CSMD1: variants seen among roughly 807,000 people sequenced by gnomAD.
CSMD1 encodes the protein CUB and Sushi multiple domains 1.
A neutral mutation model predicts 417.5 loss-of-function variants in CSMD1; 213 were observed. That is an observed-to-expected ratio of 0.51 (90% CI 0.46 to 0.57). CSMD1 has a LOEUF of 0.57. Ranked by LOEUF, CSMD1 falls within the 20% of genes least tolerant of loss-of-function variation. The pLI is 0.00. For synonymous variants in CSMD1, 2,862 were observed against 1,736.8 expected (o/e 1.65, Z -16.11); for missense variants, 6,923 against 4,529.7 (o/e 1.53, Z -15.17).
chr8:4,745,672 T>C lies in CSMD1; in HGVS notation c.86-108114A>G, dbSNP rs896423111. Reference sequence around the variant, plus strand: ...AAATAAAAGAAAAAGAAAACACAGATTTTAAGCTTTCACAATTCTTAGCTA... The same window carrying C: ...AAATAAAAGAAAAAGAAAACACAGACTTTAAGCTTTCACAATTCTTAGCTA... On this transcript the variant is annotated intron_variant, in intron 1 of 69. Transcript: ENST00000635120. Among the ~76,000 whole-genome samples, 4 of 152,106 alleles carry C rather than the reference T, an allele frequency of 2.6e-5. No homozygotes were observed. In the South Asian group the frequency reaches 8.3e-4, roughly 32 times the overall value.
At chr8:4,234,335 C>T (rs1476482871) in intron 3 of CSMD1, among the ~76,000 whole-genome samples, 1 of 152,104 alleles carries the variant, frequency 6.6e-6, no homozygotes, top group Admixed American at 6.6e-5. Context: ...TAGAAATGGG[C>T]CGAGGCTCCT....
Position 4,993,091 on chromosome 8 carries a change from A to C in CSMD1, c.85+1241T>G, listed in dbSNP as rs552594602. Among the ~76,000 whole-genome samples the C allele has an allele frequency of 7.9e-5, 12 of 152,308 alleles. 1 individual carries two copies. In the East Asian group the frequency reaches 1.2e-3, roughly 15 times the overall value. On this transcript the variant is annotated intron_variant, in intron 1 of 69. Coordinates refer to ENST00000635120, the MANE Select transcript of CSMD1 (RefSeq NM_033225.6). ...GATACAGTCCTCCTTCGCCCTGCCA[A>C]TCACTCTTCCATCTGGACCACTGGA...
At chr8:3,424,371 C>A (rs1376756501) in intron 12 of CSMD1, among the ~76,000 whole-genome samples, 1 of 152,116 alleles carries the variant, frequency 6.6e-6, no homozygotes, top group Non-Finnish European at 1.5e-5. Flanking sequence ...GAATAGTTCG[C>A]ACATTGCCCA....
chr8:4,200,178 A>T (rs530415807), intron 3 of CSMD1, among the ~76,000 whole-genome samples: 1 of 152,316 alleles, frequency 6.6e-6, no homozygotes, highest in African/African-American at 2.4e-5. Flanking sequence ...CTTTTTAACT[A>T]CCTGGACAAA....
chr8:4,582,199 C>A (rs369746262), intron 2 of CSMD1, among the ~76,000 whole-genome samples: 1 of 151,942 alleles, frequency 6.6e-6, no homozygotes, highest in African/African-American at 2.4e-5. Flanking sequence ...TGTCATATAT[C>A]TGACACCCAC....
chr8:4,301,203 A>G (rs562812166), intron 3 of CSMD1, among the ~76,000 whole-genome samples: 7 of 152,162 alleles, frequency 4.6e-5, no homozygotes, highest in Non-Finnish European at 5.9e-5. Context: ...GTGGTCTGCT[A>G]AACTTTTGGC....
chr8:3,185,561 C>T (rs1376846362), intron 36 of CSMD1, among the ~76,000 whole-genome samples: 1 of 152,108 alleles, frequency 6.6e-6, no homozygotes, highest in East Asian at 1.9e-4. Flanking sequence ...GAAAAATTAA[C>T]CTATTTCTAA....
intron 17 of CSMD1, among the ~76,000 whole-genome samples, chr8:3,394,966 T>A: frequency 6.6e-6 from 1 of 152,288 alleles, no homozygotes. Context: ...TATACATGCA[T>A]ATGCACGTTT....
At chr8:4,464,927 A>T (rs964241694) in intron 2 of CSMD1, among the ~76,000 whole-genome samples, 3 of 152,118 alleles carry the variant, frequency 2.0e-5, no homozygotes, top group Admixed American at 6.6e-5. Context: ...GCTGAGCACG[A>T]AGCCATATTC....
At chr8:4,490,333 T>A (rs115276878) in intron 2 of CSMD1, among the ~76,000 whole-genome samples, 1 of 152,068 alleles carries the variant, frequency 6.6e-6, no homozygotes, top group Non-Finnish European at 1.5e-5. Flanking sequence ...AGCCACCATA[T>A]CCAGCCCAGA....
chr8:3,627,379 T>C (rs1190184583), intron 7 of CSMD1, among the ~76,000 whole-genome samples: 2 of 152,180 alleles, frequency 1.3e-5, no homozygotes, highest in Non-Finnish European at 2.9e-5. Flanking sequence ...TATTAAGTTA[T>C]ATATATCCTT....
chr8:4,596,668 G>A (rs1339515692), intron 2 of CSMD1, among the ~76,000 whole-genome samples: 1 of 152,128 alleles, frequency 6.6e-6, no homozygotes, highest in Non-Finnish European at 1.5e-5. Context: ...TACGTTTGCT[G>A]TTTGAACACT....
At chr8:3,868,178 C>T (rs891250764) in intron 5 of CSMD1, among the ~76,000 whole-genome samples, 1 of 152,098 alleles carries the variant, frequency 6.6e-6, no homozygotes, top group Non-Finnish European at 1.5e-5. Flanking sequence ...GCTGAACCAA[C>T]ACCTGGTGCA....
chr8:3,202,224 CT>C (rs1797029097), intron 31 of CSMD1, among the ~76,000 whole-genome samples: 1 of 152,172 alleles, frequency 6.6e-6, no homozygotes, highest in Non-Finnish European at 1.5e-5. Flanking sequence ...TTTAGCAACA[CT>C]TTATTCAATG....
At chr8:4,443,199 AAG>A (rs1024369375) in intron 2 of CSMD1, among the ~76,000 whole-genome samples, 8 of 152,210 alleles carry the variant, frequency 5.3e-5, no homozygotes, top group African/African-American at 1.4e-4. Flanking sequence ...CTGAGTATAC[AAG>A]AGGTGTTCAA....
intron 5 of CSMD1, among the ~76,000 whole-genome samples, chr8:3,896,900 G>T (rs1807408058): frequency 6.6e-6 from 1 of 151,748 alleles, no homozygotes; most frequent in African/African-American, 2.4e-5. Flanking sequence ...TTTGATGTTT[G>T]GTTCTCCAAT....
Position 4,067,219 on chromosome 8 carries a change from C to G in CSMD1, c.416-35120G>C, listed in dbSNP as rs189858521. Among the ~76,000 whole-genome samples, 149 of 152,292 alleles carry G rather than the reference C, an allele frequency of 9.8e-4. 1 individual carries two copies. Among genetic ancestry groups the G allele is most frequent in the African/African-American group, 3.5e-3 (145 of 41,566 alleles). ...TTGCATCTATTTTATCATCTTTTTTCTACATGAAGTCAGATGTTCAAGACA... is the reference window on the plus strand; with the variant it reads ...TTGCATCTATTTTATCATCTTTTTTGTACATGAAGTCAGATGTTCAAGACA... On this transcript the variant is annotated intron_variant, in intron 3 of 69. Transcript: ENST00000635120.
At chr8:4,759,455 G>A (rs1172050885) in intron 1 of CSMD1, among the ~76,000 whole-genome samples, 1 of 152,194 alleles carries the variant, frequency 6.6e-6, no homozygotes. Flanking sequence ...GTGCAGATTT[G>A]TTACACAGGT....
intron 1 of CSMD1, among the ~76,000 whole-genome samples, chr8:4,803,203 A>C (rs1016453958): frequency 6.6e-6 from 1 of 152,204 alleles, no homozygotes; most frequent in Non-Finnish European, 1.5e-5. Flanking sequence ...GCCACTTTCC[A>C]AAGTGAGGAT....
Sources: gnomAD v4.1 joint callset for allele counts (sites outside exome capture counted in the v4.1 genomes callset) on GRCh38, gnomAD v4.1.1 for gene constraint, MANE v1.5 for transcripts, NCBI Gene and HGNC (gene_info 2026-07-23, HGNC 2026-07-21) for gene names.